The following CDK14 variants were observed in gnomAD, a reference collection of about 807,000 sequenced individuals.
CDK14 encodes cyclin-dependent kinase 14.
CDK14 carries 34 observed loss-of-function variants against 60.7 expected under a neutral mutation model. That is an observed-to-expected ratio of 0.56 (90% CI 0.43 to 0.75). The LOEUF is 0.75. Among genes scored for constraint, CDK14 ranks in the 30% least tolerant of loss-of-function variants. The pLI, the probability that CDK14 is intolerant of heterozygous loss-of-function variation, is 0.00. For missense variants in CDK14, 482 were observed against 564.1 expected (o/e 0.85, Z 1.47); for synonymous variants, 197 against 203.7 (o/e 0.97, Z 0.28).
At chr7:90,968,898 C>A (rs1794837154) in intron 9 of CDK14, among the ~76,000 whole-genome samples, 1 of 151,862 alleles carries the variant, frequency 6.6e-6, no homozygotes, top group African/African-American at 2.4e-5. Flanking sequence ...CCTTGTGAGC[C>A]ACTTCATTTA....
intron 10 of CDK14, among the ~76,000 whole-genome samples, chr7:91,001,483 C>A (rs572140691): frequency 6.6e-6 from 1 of 152,282 alleles, no homozygotes; most frequent in African/African-American, 2.4e-5. Context: ...GCAGCTTAAC[C>A]TGCTGGATAA....
chr7:90,801,549 T>C (rs1788630498), intron 5 of CDK14, among the ~76,000 whole-genome samples: 1 of 152,188 alleles, frequency 6.6e-6, no homozygotes, highest in South Asian at 2.1e-4. Context: ...CCTCTAAAGC[T>C]ACTAAGTTGC....
At chr7:90,794,189 G>A (rs1805953260) in intron 5 of CDK14, among the ~76,000 whole-genome samples, 1 of 152,142 alleles carries the variant, frequency 6.6e-6, no homozygotes, top group Non-Finnish European at 1.5e-5. Flanking sequence ...GGATCACAGA[G>A]ATCACATGCT....
At chr7:90,989,100 C>A (rs1347984918) in intron 10 of CDK14, among the ~76,000 whole-genome samples, 1 of 151,872 alleles carries the variant, frequency 6.6e-6, no homozygotes, top group Non-Finnish European at 1.5e-5. Context: ...TTCCTTAAGC[C>A]GCTGTGCTTT....
At chr7:90,833,745 G>A (rs552348552) in intron 5 of CDK14, among the ~76,000 whole-genome samples, 135 of 152,234 alleles carry the variant, frequency 8.9e-4, no homozygotes, top group Non-Finnish European at 1.7e-3. Context: ...ATGTTAAATA[G>A]CCTTTTATGT....
chr7:90,671,120 C>T (rs1752592027), intron 2 of CDK14, among the ~76,000 whole-genome samples: 2 of 151,998 alleles, frequency 1.3e-5, no homozygotes, highest in African/African-American at 4.8e-5. Context: ...TTAGATGGCT[C>T]CCGTTTCCCA....
rs935538211 is a variant in CDK14 at position 91,181,401 on chromosome 7, G to A, written c.*29-25764G>A. 2.3e-4 allele frequency among the ~76,000 whole-genome samples: 35 copies of A among 152,172 alleles called. 2 individuals are homozygous for A. The highest frequency in any genetic ancestry group is 7.7e-4 in the African/African-American group (32 of 41,528). ...GTATGTAGATCAAGAATTTTGATCA[G>A]ATTTAGGTTTAATTTTTTTTAAGGC... On this transcript the variant is annotated intron_variant, in intron 14 of 14. Coordinates refer to ENST00000380050, the MANE Select transcript of CDK14 (RefSeq NM_001287135.2).
At chr7:90,785,733 G>A (rs1156742823) in intron 4 of CDK14, among the ~76,000 whole-genome samples, 2 of 146,656 alleles carry the variant, frequency 1.4e-5, no homozygotes, top group African/African-American at 5.1e-5. Context: ...CTTACAGTGA[G>A]CTGAGATCAT....
At chr7:90,902,217 A>G (rs867175991) in intron 7 of CDK14, among the ~76,000 whole-genome samples, 4 of 152,114 alleles carry the variant, frequency 2.6e-5, no homozygotes, top group Non-Finnish European at 4.4e-5. Context: ...AATACCAATA[A>G]CATTCTTCAT....
chr7:91,114,594 G>A (rs764241384), intron 13 of CDK14, among the ~76,000 whole-genome samples: 23 of 152,166 alleles, frequency 1.5e-4, no homozygotes, highest in Non-Finnish European at 2.4e-4. Context: ...GCAGAAACAC[G>A]TCTTTGCATA....
chr7:90,916,414 G>A (rs3808242), intron 7 of CDK14, among the ~76,000 whole-genome samples: 125,370 of 152,194 alleles, frequency 0.82, 51,802 homozygotes, highest in East Asian at 0.95. Flanking sequence ...ACATATTCTC[G>A]CATACAAAGA....
intron 14 of CDK14, among the ~76,000 whole-genome samples, chr7:91,160,597 G>T (rs920540337): frequency 6.6e-6 from 1 of 152,072 alleles, no homozygotes; most frequent in Non-Finnish European, 1.5e-5. Flanking sequence ...CCAAAATTTG[G>T]TGTGTAGTTA....
chr7:90,937,496 A>G (rs936709178), intron 8 of CDK14, among the ~76,000 whole-genome samples: 2 of 152,214 alleles, frequency 1.3e-5, no homozygotes, highest in Non-Finnish European at 1.5e-5. Context: ...TCAAGTAAAC[A>G]TTGTATTTCT....
intron 4 of CDK14, 129 bp from the exon 5 acceptor site, chr7:90,790,444 G>T (rs1040385990): frequency 1.8e-5 from 10 of 544,650 alleles, no homozygotes; most frequent in Admixed American, 1.8e-4. Context: ...TGCTTTGGTG[G>T]TATAATTGAA....
intron 10 of CDK14, among the ~76,000 whole-genome samples, chr7:91,000,572 G>A (rs1158521311): frequency 6.6e-6 from 1 of 152,220 alleles, no homozygotes; most frequent in Non-Finnish European, 1.5e-5. Context: ...TTGCTACAAT[G>A]ACAGAGAGTA....
chr7:90,659,343 C>T (rs575645756), intron 2 of CDK14, among the ~76,000 whole-genome samples: 7 of 152,206 alleles, frequency 4.6e-5, no homozygotes, highest in East Asian at 1.9e-4. Flanking sequence ...ATAGCATTTT[C>T]GCAGGCCTCA....
At chr7:90,608,588 A>T in intron 2 of CDK14, 1 of 974,112 alleles carries the variant, frequency 1.0e-6, no homozygotes, top group Non-Finnish European at 1.2e-6. Flanking sequence ...GAGAAATACA[A>T]AATTTTTAGC....
chr7:90,956,643 T>C (rs1024344565), intron 9 of CDK14, among the ~76,000 whole-genome samples: 4 of 152,142 alleles, frequency 2.6e-5, no homozygotes, highest in Non-Finnish European at 5.9e-5. Flanking sequence ...CTTTAAGTTT[T>C]AGGGTACATG....
chr7:91,079,490 T>C lies in CDK14; in HGVS notation c.1154+10T>C. 2 of 1,575,236 alleles carry C rather than the reference T, an allele frequency of 1.3e-6. No individual in the cohort carries two copies. The highest frequency in any genetic ancestry group is 1.1e-5 in the South Asian group (1 of 89,864). On this transcript the variant is annotated intron_variant, in intron 12 of 14. Transcript: ENST00000380050. ...GACAAGCATGGAATAAGTAAGTCTT[T>C]ATACAGATTGTGCTCATTCTCTTTC...
Sources: gnomAD v4.1 joint callset for allele counts (sites outside exome capture counted in the v4.1 genomes callset) on GRCh38, gnomAD v4.1.1 for gene constraint, MANE v1.5 for transcripts, NCBI Gene and HGNC (gene_info 2026-07-23, HGNC 2026-07-21) for gene names.